The following RREB1 variants were observed in gnomAD, a reference collection of about 807,000 sequenced individuals.
RREB1 encodes the protein ras-responsive element-binding protein 1.
A neutral mutation model predicts 117.8 loss-of-function variants in RREB1; 27 were observed. The observed-to-expected ratio is 0.23, with a 90% confidence interval of 0.17 to 0.32. The LOEUF (loss-of-function observed/expected upper bound fraction) is 0.32. Among genes scored for constraint, RREB1 ranks in the 10% least tolerant of loss-of-function variants. The probability of loss-of-function intolerance (pLI) is 1.00; values close to 1 mark genes in which losing one functional copy is unlikely to be tolerated. For missense variants in RREB1, 2,577 were observed against 2,378.2 expected, an observed-to-expected ratio of 1.08 and a Z score of -1.74; for synonymous variants, 1,298 against 1,026.7, an observed-to-expected ratio of 1.26 and a Z score of -5.05.
chr6:7,206,494 T>G (rs974075911), intron 6 of RREB1, among the ~76,000 whole-genome samples: 1 of 152,252 alleles, frequency 6.6e-6, no homozygotes, highest in African/African-American at 2.4e-5. Flanking sequence ...TGTTCTTCCA[T>G]CCAGCAATTT....
At chr6:7,201,005 G>A (rs1299314479) in intron 6 of RREB1, among the ~76,000 whole-genome samples, 1 of 152,250 alleles carries the variant, frequency 6.6e-6, no homozygotes, top group Non-Finnish European at 1.5e-5. Flanking sequence ...GTGGATGGCA[G>A]CAGAATCTGG....
Position 7,231,059 on chromosome 6 carries a change from G to T in RREB1, c.2960G>T (p.Gly987Val). 1 of 1,613,662 alleles carries T rather than the reference G, an allele frequency of 6.2e-7. No individual in the cohort carries two copies. Among genetic ancestry groups the T allele is most frequent in the East Asian group, 2.2e-5 (1 of 44,866 alleles). ...CTTCCTGTAACTTTGGGGCCCAGCGGAATCCTGGAAAGCCCCATGGCCCCT... is the reference window on the plus strand; with the variant it reads ...CTTCCTGTAACTTTGGGGCCCAGCGTAATCCTGGAAAGCCCCATGGCCCCT... ...PSLPVTLGPSGILESPMAPAP... is the reference protein window; with the variant it reads ...PSLPVTLGPSVILESPMAPAP... The change falls in exon 10 of 13, where the codon GGA becomes GTA. Residue 987 changes from glycine to valine, a missense_variant. Gly to Val is a moderately radical substitution (Grantham distance 109). Coordinates refer to ENST00000379938, the MANE Select transcript of RREB1 (RefSeq NM_001003699.4).
Position 7,231,537 on chromosome 6 carries a change from A to G in RREB1, c.3438A>G (p.Pro1146=), listed in dbSNP as rs34561875. Residue 1146 remains proline, a synonymous_variant, in exon 10 of 13, where the codon CCA becomes CCG. Transcript: ENST00000379938. ...CTGCCTCTCCCACCGAGCAGGGCCC[A>G]GCGGGCACGTCGAAGAAGAGGGGCC... ...PEAASPTEQG[P]AGTSKKRGRK... 0.076 allele frequency: 122,327 copies of G among 1,608,730 alleles called. 5,700 individuals carry two copies. The highest frequency in any genetic ancestry group is 0.2 in the Admixed American group (11,563 of 58,864).
At chr6:7,245,027 C>G (rs546612613) in intron 11 of RREB1, among the ~76,000 whole-genome samples, 2 of 152,208 alleles carry the variant, frequency 1.3e-5, no homozygotes, top group African/African-American at 4.8e-5. Flanking sequence ...GAGGGAGGGG[C>G]ATCTCGTACT....
chr6:7,219,843 C>G (rs1767133670), intron 8 of RREB1, among the ~76,000 whole-genome samples: 1 of 152,164 alleles, frequency 6.6e-6, no homozygotes, highest in South Asian at 2.1e-4. Flanking sequence ...TACCTTATGA[C>G]CTGGGAGTCG....
intron 1 of RREB1, among the ~76,000 whole-genome samples, chr6:7,126,795 AG>A (rs775025111): frequency 1.3e-5 from 2 of 152,158 alleles, no homozygotes; most frequent in African/African-American, 2.4e-5. Context: ...GCCTGCATCA[AG>A]AACCGTTTCT....
At position 7,246,543 on chromosome 6, in the gene RREB1, C is replaced by T; in HGVS notation, c.4093C>T (p.Pro1365Ser). The T allele has an allele frequency of 6.5e-7, 1 of 1,548,142 alleles. No homozygotes were observed. The highest frequency in any genetic ancestry group is 8.7e-7 in the Non-Finnish European group (1 of 1,146,616). Residue 1365 changes from proline (P) to serine (S), a missense_variant, in exon 12 of 13, where the codon CCT becomes TCT. Transcript: ENST00000379938. ...GCTCCGCCAGGTCGCAGGGGATGCG[C>T]CTGTGGAGCAGGCCACGGCGGAAAC... ...TELRQVAGDA[P>S]VEQATAETAS...
chr6:7,165,078 C>T (rs564916075), intron 1 of RREB1, among the ~76,000 whole-genome samples: 167 of 152,340 alleles, frequency 1.1e-3, no homozygotes, highest in Non-Finnish European at 1.9e-3. Context: ...GCATTGGCCT[C>T]TCACACACAG....
At chr6:7,217,917 C>T (rs1321670301) in intron 8 of RREB1, 1 of 152,122 alleles carries the variant, frequency 6.6e-6, no homozygotes, top group African/African-American at 2.4e-5. Flanking sequence ...GCAATTTGTC[C>T]TTTACTCTTA....
At chr6:7,197,003 G>T (rs1020218182) in intron 6 of RREB1, among the ~76,000 whole-genome samples, 8 of 152,172 alleles carry the variant, frequency 5.3e-5, no homozygotes, top group South Asian at 2.1e-4. Flanking sequence ...GGATTGAGTG[G>T]TGCTCGTCTT....
At chr6:7,145,297 C>G (rs1022052862) in intron 1 of RREB1, among the ~76,000 whole-genome samples, 1 of 152,176 alleles carries the variant, frequency 6.6e-6, no homozygotes, top group Non-Finnish European at 1.5e-5. Flanking sequence ...AGCAAAGTCT[C>G]CTTGGACTTT....
chr6:7,246,510 G>T lies in RREB1; in HGVS notation c.4060G>T (p.Ala1354Ser). 1 of 1,545,616 alleles carries T rather than the reference G, an allele frequency of 6.5e-7. No homozygotes were observed. The change falls in exon 12 of 13, where the codon GCC becomes TCC. Residue 1354 changes from alanine to serine, a missense_variant. Transcript: ENST00000379938. ...GGACAGAGAGCAGCCGTCGGAGGGC[G>T]CCACTGAGCTCCGCCAGGTCGCAGG... ...SRDREQPSEG[A>S]TELRQVAGDA...
Position 7,231,613 on chromosome 6 carries a change from C to T in RREB1, c.3514C>T (p.Leu1172=), listed in dbSNP as rs1196369236. 5.0e-6 allele frequency: 8 copies of T among 1,611,836 alleles called. No homozygotes were observed. Among genetic ancestry groups the T allele is most frequent in the African/African-American group, 1.3e-5 (1 of 74,870 alleles). The change falls in exon 10 of 13, where the codon CTG becomes TTG. Residue 1172 remains leucine, a synonymous_variant. Transcript: ENST00000379938. Reference sequence around the variant, plus strand: ...CCGCGCCAACAGCGGCGGGGTGGACCTGGACTCCAGCGGGGAGTTTGCCAG... The same window carrying T: ...CCGCGCCAACAGCGGCGGGGTGGACTTGGACTCCAGCGGGGAGTTTGCCAG... The part of the protein sequence containing the change: ...RPRANSGGVD[L]DSSGEFASIE...
chr6:7,145,878 G>A (rs1762830369), intron 1 of RREB1, among the ~76,000 whole-genome samples: 1 of 151,948 alleles, frequency 6.6e-6, no homozygotes, highest in African/African-American at 2.4e-5. Flanking sequence ...GGGAAGAAAG[G>A]GGTTGCTGTT....
intron 1 of RREB1, among the ~76,000 whole-genome samples, chr6:7,124,613 T>C (rs1761830520): frequency 6.6e-6 from 1 of 152,182 alleles, no homozygotes; most frequent in Non-Finnish European, 1.5e-5. Flanking sequence ...TGGGACTCCA[T>C]TGTTATAATT....
rs987372706 is a variant in RREB1, at chr6:7,230,727, G to A, written c.2628G>A (p.Gln876=). 11 of 1,601,106 alleles carry A rather than the reference G, an allele frequency of 6.9e-6. No individual in the cohort carries two copies. Among genetic ancestry groups the A allele is most frequent in the Non-Finnish European group, 8.5e-6 (10 of 1,172,664 alleles). The change falls in exon 10 of 13, where the codon CAG becomes CAA. Residue 876 remains glutamine (Q), a synonymous_variant. Coordinates refer to ENST00000379938, the MANE Select transcript of RREB1 (RefSeq NM_001003699.4). ...GCTTTCTTCACAGGGGCCCCACCCA[G>A]CCTCCACCTCCCCATGTCTCGATCA... is the stretch of plus-strand genomic sequence containing the variant. The part of the protein sequence containing the change: ...QNGFLHRGPT[Q]PPPPHVSIKL...
At chr6:7,248,390 G>A in intron 12 of RREB1, 121 bp from the exon 13 acceptor site, 2 of 784,968 alleles carry the variant, frequency 2.5e-6, no homozygotes, top group Admixed American at 2.5e-5. Context: ...CTCTGGCTGA[G>A]TAGGACGGAG....
intron 8 of RREB1, among the ~76,000 whole-genome samples, chr6:7,225,480 T>C (rs1002545625): frequency 1.3e-5 from 2 of 152,190 alleles, no homozygotes; most frequent in African/African-American, 4.8e-5. Context: ...TATCCACCCA[T>C]CTGCACACTG....
rs3851531 is a variant in RREB1 at position 7,150,545 on chromosome 6, C to T, written c.-284-26110C>T. ...CTATGCTGAAGGTAGAAAGTATTCT[C>T]TTGTTGTATAGACATTGGTCATACT... On this transcript the variant is annotated intron_variant, in intron 1 of 12. Coordinates refer to ENST00000379938, the MANE Select transcript of RREB1 (RefSeq NM_001003699.4). Among the ~76,000 whole-genome samples the T allele has an allele frequency of 3.1e-3, 473 of 150,824 alleles. 3 individuals carry two copies. In the Middle Eastern group the frequency reaches 0.035, roughly 11 times the overall value.
Sources: gnomAD v4.1 joint callset for allele counts (sites outside exome capture counted in the v4.1 genomes callset) on GRCh38, gnomAD v4.1.1 for gene constraint, MANE v1.5 for transcripts, NCBI Gene and HGNC (gene_info 2026-07-23, HGNC 2026-07-21) for gene names.